MATN2: variants seen among roughly 807,000 people sequenced by gnomAD.
MATN2 encodes matrilin-2.
In MATN2, 69 loss-of-function variants were observed where a neutral mutation model predicts 103.2. The ratio of observed to expected loss-of-function variants is 0.67; its 90% CI spans 0.55 to 0.82. MATN2 has a LOEUF of 0.82. MATN2 is among the 40% of genes least tolerant of loss of function. The probability of loss-of-function intolerance (pLI) is 0.00; values close to 1 mark genes in which losing one functional copy is unlikely to be tolerated. For missense variants in MATN2, 1,023 were observed against 1,211.5 expected (o/e 0.84, Z 2.31); for synonymous variants, 429 against 450.2 (o/e 0.95, Z 0.60).
chr8:97,992,659 T>C (rs1018625355), intron 6 of MATN2, among the ~76,000 whole-genome samples: 2 of 147,992 alleles, frequency 1.4e-5, no homozygotes, highest in South Asian at 4.3e-4. Context: ...GGCAGGAGGA[T>C]TGCCTGAACC....
At chr8:97,950,609 A>G (rs1377539618) in intron 4 of MATN2, 2 of 152,226 alleles carry the variant, frequency 1.3e-5, no homozygotes, top group Non-Finnish European at 2.9e-5. Flanking sequence ...AGAGCAGAAT[A>G]TAAAAGATGG....
At chr8:98,022,915 C>CT (rs1813655611) in intron 13 of MATN2, among the ~76,000 whole-genome samples, 1 of 152,142 alleles carries the variant, frequency 6.6e-6, no homozygotes, top group Non-Finnish European at 1.5e-5. Context: ...TGACAAAACT[C>CT]TGTCTCTACT....
intron 6 of MATN2, among the ~76,000 whole-genome samples, chr8:97,988,152 CAAAAA>C (rs869146483): frequency 1.2e-4 from 8 of 65,864 alleles, no homozygotes; most frequent in South Asian, 4.6e-4. Context: ...CCATCTCCAC[CAAAAA>C]AAAAAAAAAA....
intron 5 of MATN2, among the ~76,000 whole-genome samples, chr8:97,962,322 C>A (rs780081373): frequency 1.1e-4 from 17 of 152,188 alleles, no homozygotes; most frequent in Non-Finnish European, 2.2e-4. Flanking sequence ...CTTCCGTGTT[C>A]TATTGTTTTC....
intron 1 of MATN2, among the ~76,000 whole-genome samples, chr8:97,876,166 C>A (rs1170356671): frequency 5.3e-5 from 8 of 151,352 alleles, no homozygotes; most frequent in Non-Finnish European, 1.0e-4. Context: ...CATGTGCCAC[C>A]ACGCTTGGCT....
intron 1 of MATN2, among the ~76,000 whole-genome samples, chr8:97,873,085 C>T (rs757198267): frequency 2.6e-5 from 4 of 152,152 alleles, no homozygotes; most frequent in African/African-American, 4.8e-5. Context: ...GTGAGCCAAC[C>T]GCACCCGGCC....
intron 3 of MATN2, among the ~76,000 whole-genome samples, chr8:97,934,230 T>C (rs551167337): frequency 6.2e-4 from 95 of 152,324 alleles, no homozygotes; most frequent in African/African-American, 2.2e-3. Context: ...CTGACTCTAG[T>C]TGTACAATCT....
At chr8:97,963,644 C>T (rs761158826) in intron 5 of MATN2, among the ~76,000 whole-genome samples, 19 of 152,004 alleles carry the variant, frequency 1.2e-4, no homozygotes, top group Admixed American at 3.3e-4. Flanking sequence ...CGTTTCTCTG[C>T]GGCTGCTTGA....
At chr8:97,907,091 C>T (rs1209476670) in intron 2 of MATN2, among the ~76,000 whole-genome samples, 2 of 150,088 alleles carry the variant, frequency 1.3e-5, no homozygotes, top group Non-Finnish European at 2.9e-5. Flanking sequence ...ACCTCCATCT[C>T]CTGGGTTCAA....
chr8:98,013,869 G>A (rs1417396533), intron 10 of MATN2, among the ~76,000 whole-genome samples: 1 of 152,202 alleles, frequency 6.6e-6, no homozygotes, highest in Non-Finnish European at 1.5e-5. Context: ...AGCACTTTGG[G>A]AGGCTGAAGC....
chr8:97,894,005 CT>C (rs1388919387), intron 2 of MATN2, among the ~76,000 whole-genome samples: 1 of 152,208 alleles, frequency 6.6e-6, no homozygotes, highest in African/African-American at 2.4e-5. Context: ...ACTTGAAAGC[CT>C]TTTCTTTTCC....
chr8:97,985,576 C>G (rs1812165469), intron 6 of MATN2, among the ~76,000 whole-genome samples: 1 of 152,122 alleles, frequency 6.6e-6, no homozygotes, highest in Non-Finnish European at 1.5e-5. Context: ...ACTAGTTTCA[C>G]AAAGTACAAA....
Position 98,032,248 on chromosome 8 carries a change from C to A in MATN2, c.2512C>A (p.Leu838Ile). ...EKLKKGICEA[L>I]EDSDGRQDSP... Reference sequence around the variant, plus strand: ...TTTGGTCATCTTTTTCTGCTCAGCTCTAGAAGACTCCGATGGAAGACAGGA... The same window carrying A: ...TTTGGTCATCTTTTTCTGCTCAGCTATAGAAGACTCCGATGGAAGACAGGA... The change falls in exon 16 of 19, where the codon CTA becomes ATA. Residue 838 changes from leucine to isoleucine, a missense_variant and splice_region_variant. Coordinates refer to ENST00000254898, the MANE Select transcript of MATN2 (RefSeq NM_002380.5). The A allele has an allele frequency of 6.2e-7, 1 of 1,610,286 alleles. No individual in the cohort carries two copies. Among genetic ancestry groups the A allele is most frequent in the South Asian group, 1.1e-5 (1 of 90,292 alleles).
chr8:97,956,924 A>G (rs573684345), intron 4 of MATN2, among the ~76,000 whole-genome samples: 2 of 152,242 alleles, frequency 1.3e-5, no homozygotes, highest in South Asian at 4.1e-4. Flanking sequence ...GGCCTTTTTC[A>G]TTGTTCATTC....
At chr8:97,959,358 G>A (rs534489957) in intron 4 of MATN2, among the ~76,000 whole-genome samples, 34 of 152,130 alleles carry the variant, frequency 2.2e-4, no homozygotes, top group Non-Finnish European at 4.3e-4. Context: ...CGCTCAAACC[G>A]TATTTATTGA....
chr8:97,904,559 T>C (rs573680176), intron 2 of MATN2, among the ~76,000 whole-genome samples: 2 of 152,326 alleles, frequency 1.3e-5, no homozygotes, highest in African/African-American at 4.8e-5. Context: ...GGATTGACTC[T>C]TGAGTTTCTC....
intron 8 of MATN2, among the ~76,000 whole-genome samples, chr8:98,006,175 A>G (rs1271720342): frequency 6.6e-6 from 1 of 152,254 alleles, no homozygotes; most frequent in Non-Finnish European, 1.5e-5. Context: ...TTCGGATGCC[A>G]GGATAGGCCA....
At chr8:97,936,371 A>C (rs1260434566) in intron 3 of MATN2, among the ~76,000 whole-genome samples, 1 of 152,082 alleles carries the variant, frequency 6.6e-6, no homozygotes, top group African/African-American at 2.4e-5. Flanking sequence ...CACCCAGGCC[A>C]GGCACAATTT....
chr8:97,984,485 A>G (rs1338225650), intron 6 of MATN2, among the ~76,000 whole-genome samples: 1 of 152,216 alleles, frequency 6.6e-6, no homozygotes, highest in African/African-American at 2.4e-5. Flanking sequence ...ATTTGTGCTC[A>G]ATGAATGATT....
Sources: gnomAD v4.1 joint callset for allele counts (sites outside exome capture counted in the v4.1 genomes callset) on GRCh38, gnomAD v4.1.1 for gene constraint, MANE v1.5 for transcripts, NCBI Gene and HGNC (gene_info 2026-07-23, HGNC 2026-07-21) for gene names.